The following ZRANB3 variants were observed in gnomAD, a reference collection of about 807,000 sequenced individuals.
ZRANB3 encodes DNA annealing helicase and endonuclease ZRANB3.
In ZRANB3, 125 loss-of-function variants were observed where a neutral mutation model predicts 133.8. The ratio of observed to expected loss-of-function variants is 0.93; its 90% confidence interval spans 0.81 to 1.08. ZRANB3 has a LOEUF of 1.08. Ranked by LOEUF, ZRANB3 falls within the 50% of genes least tolerant of loss-of-function variation. The probability of loss-of-function intolerance (pLI) is 0.00; values close to 1 mark genes in which losing one functional copy is unlikely to be tolerated. For synonymous variants in ZRANB3, 387 were observed against 432.7 expected, an observed-to-expected ratio of 0.89 and a Z score of 1.31; for missense variants, 1,229 against 1,275.5, an observed-to-expected ratio of 0.96 and a Z score of 0.56.
At chr2:135,386,964 C>T (rs568035971) in intron 3 of ZRANB3, among the ~76,000 whole-genome samples, 73 of 149,466 alleles carry the variant, frequency 4.9e-4, no homozygotes, top group African/African-American at 1.7e-3. Flanking sequence ...ACGTTTTGCG[C>T]AGGTACCCTA....
At chr2:135,408,651 A>T (rs906401085) in intron 2 of ZRANB3, among the ~76,000 whole-genome samples, 1 of 152,208 alleles carries the variant, frequency 6.6e-6, no homozygotes, top group African/African-American at 2.4e-5. Flanking sequence ...AGCCATAAAA[A>T]GTGATGAGTT....
At chr2:135,324,376 C>T (rs1406170686) in intron 6 of ZRANB3, among the ~76,000 whole-genome samples, 1 of 152,064 alleles carries the variant, frequency 6.6e-6, no homozygotes, top group Non-Finnish European at 1.5e-5. Context: ...ATGATGGTTT[C>T]CAGCTTCATC....
intron 2 of ZRANB3, among the ~76,000 whole-genome samples, chr2:135,408,116 A>C (rs1475049756): frequency 6.6e-6 from 1 of 151,750 alleles, no homozygotes; most frequent in Non-Finnish European, 1.5e-5. Flanking sequence ...ATGAACTCAA[A>C]CAAATTTACA....
intron 8 of ZRANB3, among the ~76,000 whole-genome samples, chr2:135,290,410 G>A (rs1681628059): frequency 6.6e-6 from 1 of 152,138 alleles, no homozygotes; most frequent in African/African-American, 2.4e-5. Context: ...TACAAGGATA[G>A]CTACTCCTGC....
rs539068810 is a variant in ZRANB3, at chr2:135,448,001, T to C, written c.161+56328A>G. On this transcript the variant is annotated intron_variant, in intron 2 of 20. Transcript: ENST00000264159. ...GAAACTCTAGAGTATTGTACAAAGA[T>C]GAAGAGTTGCCATAGTTTTGCCTCC... Among the ~76,000 whole-genome samples the C allele has an allele frequency of 3.3e-4, 50 of 152,290 alleles. No individual in the cohort carries two copies. In the South Asian group the frequency reaches 0.01, roughly 31 times the overall value.
chr2:135,441,200 T>C (rs889671959), intron 2 of ZRANB3, among the ~76,000 whole-genome samples: 3 of 152,036 alleles, frequency 2.0e-5, no homozygotes, highest in East Asian at 1.9e-4. Flanking sequence ...TGTTTAAAGA[T>C]AGAGACAAAG....
At position 135,311,110 on chromosome 2, in the gene ZRANB3, G is replaced by C. The variant is rs559533204; in HGVS notation, c.966+2379C>G. Among the ~76,000 whole-genome samples, 7 of 152,160 alleles carry C rather than the reference G, an allele frequency of 4.6e-5. No individual in the cohort carries two copies. In the South Asian group the frequency reaches 1.5e-3, roughly 32 times the overall value. ...AAAAGATATATATATTACAGAACTT[G>C]TTTCCAAAATAAAGAGTTCTTATTA... On this transcript the variant is annotated intron_variant, in intron 8 of 20. Coordinates refer to ENST00000264159, the MANE Select transcript of ZRANB3 (RefSeq NM_032143.4).
At chr2:135,360,155 G>T (rs936286395) in intron 3 of ZRANB3, among the ~76,000 whole-genome samples, 1 of 151,644 alleles carries the variant, frequency 6.6e-6, no homozygotes, top group Non-Finnish European at 1.5e-5. Context: ...GAGGCGGGTG[G>T]GTCACCTGAG....
At chr2:135,411,142 G>C (rs1448987947) in intron 2 of ZRANB3, among the ~76,000 whole-genome samples, 2 of 152,106 alleles carry the variant, frequency 1.3e-5, no homozygotes, top group South Asian at 2.1e-4. Context: ...TGGGGGCTGA[G>C]GTGGGAAGAC....
At chr2:135,492,178 T>C (rs905988070) in intron 2 of ZRANB3, among the ~76,000 whole-genome samples, 1 of 152,134 alleles carries the variant, frequency 6.6e-6, no homozygotes, top group Non-Finnish European at 1.5e-5. Context: ...TAACAAATAC[T>C]ATGATAATTG....
At chr2:135,350,808 G>C (rs1193240273) in intron 4 of ZRANB3, among the ~76,000 whole-genome samples, 1 of 152,316 alleles carries the variant, frequency 6.6e-6, no homozygotes, top group Non-Finnish European at 1.5e-5. Flanking sequence ...GATAAAATGT[G>C]AAGTGTGGTT....
chr2:135,526,484 A>G (rs1694168036), intron 1 of ZRANB3, among the ~76,000 whole-genome samples: 1 of 151,988 alleles, frequency 6.6e-6, no homozygotes. Flanking sequence ...ATTTTACCCA[A>G]ATTCCTAACT....
At chr2:135,254,440 T>C (rs1178185459) in intron 12 of ZRANB3, among the ~76,000 whole-genome samples, 1 of 148,026 alleles carries the variant, frequency 6.8e-6, no homozygotes, top group Admixed American at 6.9e-5. Context: ...ATTTAGCATA[T>C]AGTCTTTTAA....
At chr2:135,262,244 T>C (rs539581525) in intron 12 of ZRANB3, among the ~76,000 whole-genome samples, 1 of 151,948 alleles carries the variant, frequency 6.6e-6, no homozygotes, top group East Asian at 1.9e-4. Context: ...TAGCAATATT[T>C]GACGGAATTA....
intron 2 of ZRANB3, among the ~76,000 whole-genome samples, chr2:135,449,779 G>A (rs1365079574): frequency 6.6e-6 from 1 of 151,578 alleles, no homozygotes; most frequent in African/African-American, 2.4e-5. Context: ...TTTTTTTGAG[G>A]CAGGGTCTCT....
At chr2:135,511,187 T>C in intron 1 of ZRANB3, 1 of 800,904 alleles carries the variant, frequency 1.2e-6, no homozygotes, top group Admixed American at 1.7e-5. Flanking sequence ...TGGTCACAGA[T>C]GCCCAAGAAA....
intron 2 of ZRANB3, among the ~76,000 whole-genome samples, chr2:135,480,614 T>A (rs1043262695): frequency 2.0e-5 from 3 of 151,614 alleles, no homozygotes; most frequent in Admixed American, 6.6e-5. Flanking sequence ...TTTAATCTTT[T>A]ATTATTATTA....
At chr2:135,513,576 T>G (rs116212194) in intron 1 of ZRANB3, among the ~76,000 whole-genome samples, 1,591 of 152,258 alleles carry the variant, frequency 0.01, 25 homozygotes, top group African/African-American at 0.036. Flanking sequence ...GATCAAAGAT[T>G]AAAACATAAC....
intron 2 of ZRANB3, among the ~76,000 whole-genome samples, chr2:135,465,819 C>T (rs908756642): frequency 6.6e-6 from 1 of 151,974 alleles, no homozygotes; most frequent in Non-Finnish European, 1.5e-5. Flanking sequence ...AACAAATTTA[C>T]AAGAAAAAAA....
Sources: gnomAD v4.1 joint callset for allele counts (sites outside exome capture counted in the v4.1 genomes callset) on GRCh38, gnomAD v4.1.1 for gene constraint, MANE v1.5 for transcripts, NCBI Gene and HGNC (gene_info 2026-07-23, HGNC 2026-07-21) for gene names.